Variants in TSG101 observed in about 807,000 individuals in gnomAD.
TSG101 encodes tumor susceptibility 101.
Under a neutral mutation model 48.5 loss-of-function variants are expected in TSG101, and 19 were observed. That is an observed-to-expected ratio of 0.39 (90% CI 0.27 to 0.58). The LOEUF is 0.58. Among genes scored for constraint, TSG101 ranks in the 20% least tolerant of loss-of-function variants. The probability of loss-of-function intolerance (pLI) is 0.55; values close to 1 mark genes in which losing one functional copy is unlikely to be tolerated. For missense variants in TSG101, 365 were observed against 484.4 expected, an observed-to-expected ratio of 0.75 and a Z score of 2.31; for synonymous variants, 174 against 169.4, an observed-to-expected ratio of 1.03 and a Z score of -0.21.
intron 4 of TSG101, chr11:18,511,345 C>A (rs1198920518): frequency 6.6e-6 from 1 of 152,216 alleles, no homozygotes; most frequent in Non-Finnish European, 1.5e-5. Context: ...AAACTCACCT[C>A]ATTTGTTCAA....
intron 8 of TSG101, 46 bp downstream of exon 8, chr11:18,483,824 G>T: frequency 1.9e-6 from 3 of 1,599,674 alleles, no homozygotes; most frequent in Non-Finnish European, 1.7e-6. Flanking sequence ...CTCTGCCATG[G>T]CTACAATTCA....
chr11:18,484,953 T>TTTTTTG (rs1849598071), intron 7 of TSG101, among the ~76,000 whole-genome samples: 1 of 147,122 alleles, frequency 6.8e-6, no homozygotes, highest in Non-Finnish European at 1.5e-5. Flanking sequence ...TTTTTTTTTT[T>TTTTTTG]TTTGAGATGG....
chr11:18,515,987 T>C (rs1030890603), intron 3 of TSG101, 112 bp downstream of exon 3: 1 of 855,692 alleles, frequency 1.2e-6, no homozygotes, highest in Non-Finnish European at 1.8e-6. Flanking sequence ...TTAAAATCTA[T>C]ATCAGCATCA....
intron 6 of TSG101, 40 bp downstream of exon 6, chr11:18,506,816 GA>G: frequency 1.4e-6 from 2 of 1,455,064 alleles, no homozygotes; most frequent in Non-Finnish European, 1.9e-6. Flanking sequence ...TCTAATAGAA[GA>G]ATTTGTAATA....
intron 2 of TSG101, among the ~76,000 whole-genome samples, chr11:18,517,618 TTG>T (rs1009807133): frequency 6.6e-6 from 1 of 152,334 alleles, no homozygotes; most frequent in African/African-American, 2.4e-5. Context: ...ATAAATACCA[TTG>T]TGTTACAACT....
At position 18,506,922 on chromosome 11, in the gene TSG101, A is replaced by G. The variant is rs766957180; in HGVS notation, c.483T>C (p.Thr161=). 6.2e-7 allele frequency: 1 copy of G among 1,605,682 alleles called. No individual in the cohort carries two copies. The change falls in exon 6 of 10, where the codon ACT becomes ACC. Residue 161 remains threonine, a splice_region_variant and synonymous_variant. Transcript: ENST00000251968. Reference sequence around the variant, plus strand: ...CACCTGGCATGCCTGGCATGTAGGAAGCTAAAAACAATTTTTTTCACATTG... The same window carrying G: ...CACCTGGCATGCCTGGCATGTAGGAGGCTAAAAACAATTTTTTTCACATTG... ...PPYQATGPPN[T]SYMPGMPGGI... is the part of the protein sequence containing the mutation.
At chr11:18,488,759 C>T (rs1486068470) in intron 7 of TSG101, among the ~76,000 whole-genome samples, 2 of 150,886 alleles carry the variant, frequency 1.3e-5, no homozygotes, top group Non-Finnish European at 3.0e-5. Context: ...ATTCAAAAAG[C>T]AAAAAAAGGA....
intron 7 of TSG101, among the ~76,000 whole-genome samples, chr11:18,496,557 G>C (rs1446043117): frequency 6.6e-6 from 1 of 152,052 alleles, no homozygotes; most frequent in Non-Finnish European, 1.5e-5. Context: ...AGGGAGCCTA[G>C]TGCAGTGACT....
At chr11:18,490,293 A>G (rs2133907381) in intron 7 of TSG101, 1 of 575,600 alleles carries the variant, frequency 1.7e-6, no homozygotes, top group Non-Finnish European at 3.4e-6. Flanking sequence ...TCCACAGAGT[A>G]ACACTGTCCC....
At chr11:18,490,040 C>A (rs1849676171) in intron 7 of TSG101, among the ~76,000 whole-genome samples, 1 of 151,768 alleles carries the variant, frequency 6.6e-6, no homozygotes, top group African/African-American at 2.4e-5. Flanking sequence ...ATCAAAACTT[C>A]AGAATGCCGT....
intron 4 of TSG101, chr11:18,511,481 G>A (rs1445667591): frequency 1.3e-5 from 2 of 151,832 alleles, no homozygotes; most frequent in African/African-American, 2.4e-5. Flanking sequence ...ACTGAGACTC[G>A]GGGTGTTATA....
chr11:18,518,211 G>A (rs944644035), intron 2 of TSG101, among the ~76,000 whole-genome samples: 1 of 152,100 alleles, frequency 6.6e-6, no homozygotes, highest in Non-Finnish European at 1.5e-5. Flanking sequence ...AGAAGGAATC[G>A]TGTCCTAGGT....
chr11:18,509,804 T>C (rs529982523), intron 4 of TSG101, 139 bp from the exon 5 acceptor site: 9 of 901,964 alleles, frequency 1.0e-5, no homozygotes, highest in Admixed American at 3.2e-5. Context: ...TTTCATTTAA[T>C]TAATTTATTT....
At chr11:18,482,151 C>G (rs1306718507) in intron 8 of TSG101, among the ~76,000 whole-genome samples, 1 of 152,174 alleles carries the variant, frequency 6.6e-6, no homozygotes, top group Admixed American at 6.5e-5. Context: ...GCAAACTAAG[C>G]CATCAGACAA....
chr11:18,499,316 ATATATTTATATATT>A (rs1251077370), intron 7 of TSG101, among the ~76,000 whole-genome samples: 11 of 120,414 alleles, frequency 9.1e-5, no homozygotes, highest in African/African-American at 2.8e-4. Context: ...ATTTATTTAT[ATATATTTATATATT>A]TATATTTATG....
At position 18,480,637 on chromosome 11, in the gene TSG101, TG is replaced by T. The variant is rs767449913; in HGVS notation, c.1084-3del. 6.2e-7 allele frequency: 1 copy of T among 1,613,392 alleles called. No individual in the cohort carries two copies. ...TTTACGGGACAGAAGACGTACATGC[TG>T]GGAGGGGAGAAAAGTTTGAATAGTT... On this transcript the variant is annotated splice_polypyrimidine_tract_variant and splice_region_variant and intron_variant, in intron 9 of 9. Coordinates refer to ENST00000251968, the MANE Select transcript of TSG101 (RefSeq NM_006292.4).
chr11:18,525,839 G>C (rs1006886914), intron 1 of TSG101: 4 of 259,802 alleles, frequency 1.5e-5, no homozygotes, highest in African/African-American at 9.3e-5. Context: ...CTATGGGGGC[G>C]ATTTAACTGG....
intron 7 of TSG101, among the ~76,000 whole-genome samples, chr11:18,499,402 A>ATATTTTTTTTTTTTTTTT: frequency 1.8e-4 from 1 of 5,456 alleles, no homozygotes; most frequent in Non-Finnish European, 3.5e-4. Flanking sequence ...ATATATATAT[A>ATATTTTTTTTTTTTTTTT]TTTTTTTTTT....
At chr11:18,514,054 C>T (rs1850129332) in intron 4 of TSG101, among the ~76,000 whole-genome samples, 1 of 151,152 alleles carries the variant, frequency 6.6e-6, no homozygotes, top group Non-Finnish European at 1.5e-5. Context: ...CACTGCCCTC[C>T]AGCCTGGGCA....
Sources: allele counts gnomAD v4.1 joint callset (sites outside exome capture counted in the v4.1 genomes callset), GRCh38; gene constraint gnomAD v4.1.1; transcripts MANE v1.5; gene names NCBI Gene and HGNC (gene_info 2026-07-23, HGNC 2026-07-21).